Variants in MAP3K13 observed in about 807,000 individuals in gnomAD.
MAP3K13 encodes the protein mitogen-activated protein kinase kinase kinase 13, also known as leucine zipper-bearing kinase.
A neutral mutation model predicts 104.0 loss-of-function variants in MAP3K13; 52 were observed. That is an observed-to-expected ratio of 0.50 (90% confidence interval 0.40 to 0.63). The LOEUF is 0.63. MAP3K13 is among the 20% of genes least tolerant of loss of function. The pLI is 0.00. For missense variants in MAP3K13, 914 were observed against 1,218.5 expected (o/e 0.75, Z 3.72); for synonymous variants, 394 against 442.2 (o/e 0.89, Z 1.37).
chr3:185,338,099 C>T (rs1217493563), intron 2 of MAP3K13, among the ~76,000 whole-genome samples: 2 of 152,006 alleles, frequency 1.3e-5, no homozygotes, highest in Non-Finnish European at 2.9e-5. Context: ...GATGCCAAGG[C>T]GGGCAGAAAA....
At chr3:185,411,130 G>A (rs1713418917) in intron 1 of MAP3K13, among the ~76,000 whole-genome samples, 1 of 152,022 alleles carries the variant, frequency 6.6e-6, no homozygotes, top group Non-Finnish European at 1.5e-5. Context: ...TCTTCAAGTA[G>A]AGTTGTCTTT....
At chr3:185,305,911 C>T (rs571779569) in intron 2 of MAP3K13, among the ~76,000 whole-genome samples, 25 of 152,278 alleles carry the variant, frequency 1.6e-4, no homozygotes, top group African/African-American at 5.8e-4. Context: ...AGTGTTTCAA[C>T]TCTTGTCTCC....
intron 1 of MAP3K13, among the ~76,000 whole-genome samples, chr3:185,364,549 T>C (rs1210804658): frequency 6.6e-6 from 1 of 152,250 alleles, no homozygotes; most frequent in Non-Finnish European, 1.5e-5. Context: ...TCTTTTCTCG[T>C]GAAGCAAGAC....
intron 2 of MAP3K13, among the ~76,000 whole-genome samples, chr3:185,352,759 T>C (rs1311408309): frequency 2.0e-5 from 3 of 152,228 alleles, no homozygotes; most frequent in Non-Finnish European, 4.4e-5. Flanking sequence ...AAAAGCACTA[T>C]GGCCAGCCCC....
In MAP3K13 at chr3:185,328,230, T is replaced by C. The variant is rs553498552; in HGVS notation, c.-86+42587T>C. On this transcript the variant is annotated intron_variant, in intron 2 of 14. Coordinates refer to the MAP3K13 transcript ENST00000424227. ...GTAAAAAAGTCAGGGAGAATGGAGA[T>C]GGGGGAGGACTATAGTGGAGAAACA... Among the ~76,000 whole-genome samples the C allele has an allele frequency of 9.7e-4, 147 of 152,268 alleles. No individual in the cohort carries two copies. The South Asian group carries it at 0.017, about 18-fold the overall frequency.
chr3:185,337,060 T>G (rs2108715044), intron 2 of MAP3K13, among the ~76,000 whole-genome samples: 1 of 151,874 alleles, frequency 6.6e-6, no homozygotes, highest in Admixed American at 6.5e-5. Context: ...AGACTAAATC[T>G]TTTTTAAAAA....
In MAP3K13 at chr3:185,478,871, C is replaced by CA. The variant is rs557343014; in HGVS notation, c.2502-1348dup. ...TGGGCGACAGAGTGAGACTCTGTCT[C>CA]AAAAAAAAAAAAAGAAAAAAACAAA... is the stretch of plus-strand genomic sequence containing the variant. On this transcript the variant is annotated intron_variant, in intron 12 of 13. Transcript: ENST00000265026. 9.4e-3 allele frequency among the ~76,000 whole-genome samples: 646 copies of CA among 68,756 alleles called. 2 individuals are homozygous for CA. Among genetic ancestry groups the CA allele is most frequent in the African/African-American group, 0.024 (418 of 17,678 alleles). 45.1% of individuals were successfully genotyped at this position (68,756 alleles called of 152,430 possible). A position where few individuals can be genotyped will look rare whatever the true frequency, so the allele number is the denominator to read the frequency against.
Position 185,447,934 on chromosome 3 carries a change from A to G in MAP3K13, c.997A>G (p.Lys333Glu). The change falls in exon 5 of 14, where the codon AAA becomes GAA. Residue 333 changes from lysine to glutamate, a missense_variant. This residue lies in a region of MAP3K13 where 175 missense variants were observed against 321.3 expected (regional missense o/e 0.54). Transcript: ENST00000265026. ...GATACGGAATGAACCTGTCTCTGAA[A>G]AAGTTGATATATGGTGAGTGGCGCC... The part of the protein sequence containing the change: ...EVIRNEPVSE[K>E]VDIWSFGVVL... 1 of 1,610,340 alleles carries G rather than the reference A, an allele frequency of 6.2e-7. No homozygotes were observed. The highest frequency in any genetic ancestry group is 8.5e-7 in the Non-Finnish European group (1 of 1,178,734).
At chr3:185,394,907 T>A (rs773259403) in intron 1 of MAP3K13, among the ~76,000 whole-genome samples, 2 of 152,164 alleles carry the variant, frequency 1.3e-5, no homozygotes, top group Non-Finnish European at 2.9e-5. Flanking sequence ...TATAAAATGA[T>A]GATGATACTG....
intron 7 of MAP3K13, among the ~76,000 whole-genome samples, chr3:185,455,705 GAT>G (rs1431264225): frequency 0.037 from 394 of 10,536 alleles, 151 homozygotes; most frequent in Non-Finnish European, 0.074. Flanking sequence ...ATATATATGA[GAT>G]ATATATGAGA....
chr3:185,406,087 C>T (rs2108781356), intron 1 of MAP3K13, among the ~76,000 whole-genome samples: 1 of 152,248 alleles, frequency 6.6e-6, no homozygotes, highest in African/African-American at 2.4e-5. Flanking sequence ...AATGTCACGA[C>T]CCTGGGTGAA....
intron 2 of MAP3K13, among the ~76,000 whole-genome samples, chr3:185,290,533 C>G (rs1315539160): frequency 1.3e-5 from 2 of 152,106 alleles, no homozygotes; most frequent in African/African-American, 4.8e-5. Flanking sequence ...AGCCCGGGTC[C>G]TGGTAAATTC....
intron 2 of MAP3K13, among the ~76,000 whole-genome samples, chr3:185,332,456 G>A (rs1284706932): frequency 6.6e-6 from 1 of 152,222 alleles, no homozygotes; most frequent in Non-Finnish European, 1.5e-5. Flanking sequence ...GTTCGGTAGT[G>A]TTAAGTATAT....
chr3:185,474,467 T>TTC (rs1211606817), intron 11 of MAP3K13, among the ~76,000 whole-genome samples: 1 of 152,224 alleles, frequency 6.6e-6, no homozygotes, highest in Non-Finnish European at 1.5e-5. Context: ...AAGCACAGTA[T>TTC]TCTCTCATCC....
At chr3:185,399,399 TC>T (rs1259227942) in intron 1 of MAP3K13, among the ~76,000 whole-genome samples, 8 of 151,528 alleles carry the variant, frequency 5.3e-5, no homozygotes, top group Non-Finnish European at 5.9e-5. Context: ...GGTCAGGAGT[TC>T]CAGACCAGCC....
chr3:185,455,597 T>TATATATGAC (rs1716570950), intron 7 of MAP3K13, among the ~76,000 whole-genome samples: 1 of 4,658 alleles, frequency 2.1e-4, no homozygotes, highest in Non-Finnish European at 4.5e-4. Context: ...ATATATGAGA[T>TATATATGAC]ATATATATCA....
intron 12 of MAP3K13, 81 bp from the exon 13 acceptor site, chr3:185,480,151 T>C: frequency 7.4e-7 from 1 of 1,355,498 alleles, no homozygotes; most frequent in Admixed American, 2.0e-5. Context: ...AGATTATCTC[T>C]ACCACTACTA....
At position 185,428,827 on chromosome 3, in the gene MAP3K13, C is replaced by A; in HGVS notation, c.246C>A (p.Asn82Lys). 2 of 1,614,140 alleles carry A rather than the reference C, an allele frequency of 1.2e-6. No individual in the cohort carries two copies. Among genetic ancestry groups the A allele is most frequent in the South Asian group, 1.1e-5 (1 of 91,078 alleles). ...AGGATTCCAGGGACCAGTTTGAGAA[C>A]AGCGTTCTTCAGCTAAGGGAACACG... Reference protein sequence around the residue: ...VSEDSRDQFENSVLQLREHDE... With the variant: ...VSEDSRDQFEKSVLQLREHDE... Residue 82 changes from asparagine to lysine, a missense_variant, in exon 2 of 14, where the codon AAC (asparagine) becomes AAA (lysine). Transcript: ENST00000265026.
At chr3:185,434,428 C>T (rs1288427399) in intron 2 of MAP3K13, among the ~76,000 whole-genome samples, 2 of 152,086 alleles carry the variant, frequency 1.3e-5, no homozygotes, top group Non-Finnish European at 2.9e-5. Flanking sequence ...CTATTGTGAG[C>T]GAAACTATCA....
Sources: allele counts gnomAD v4.1 joint callset (sites outside exome capture counted in the v4.1 genomes callset), GRCh38; gene constraint gnomAD v4.1.1; regional missense constraint gnomAD v4.1.1; transcripts MANE v1.5; gene names NCBI Gene and HGNC (gene_info 2026-07-23, HGNC 2026-07-21).